The following SYT1 variants were observed in gnomAD, a reference collection of about 807,000 sequenced individuals.
SYT1 encodes the protein synaptotagmin-1.
A neutral mutation model predicts 44.8 loss-of-function variants in SYT1; 8 were observed. The ratio of observed to expected loss-of-function variants is 0.18; its 90% CI spans 0.10 to 0.32. The LOEUF (loss-of-function observed/expected upper bound fraction) is 0.32. Ranked by LOEUF, SYT1 falls within the 10% of genes least tolerant of loss-of-function variation. SYT1 has a pLI of 1.00. For missense variants in SYT1, 286 were observed against 509.3 expected, an observed-to-expected ratio of 0.56 and a Z score of 4.22; for synonymous variants, 154 against 188.8, an observed-to-expected ratio of 0.82 and a Z score of 1.51.
Position 78,947,883 on chromosome 12 carries a change from T to A in SYT1, c.-216-29916T>A, listed in dbSNP as rs540355711. On this transcript the variant is annotated intron_variant, in intron 1 of 10. Coordinates refer to ENST00000261205, the MANE Select transcript of SYT1 (RefSeq NM_005639.3). ...AATATAAGTCTTTTATATAAACCAA[T>A]CTCTTAAAACATTTTAATAAATATT... is the stretch of plus-strand genomic sequence containing the variant. Among the ~76,000 whole-genome samples, 410 of 151,946 alleles carry A rather than the reference T, an allele frequency of 2.7e-3. 3 individuals carry two copies. The highest frequency in any genetic ancestry group is 0.01 in the Admixed American group (155 of 15,234).
chr12:78,986,279 G>T (rs1869634999), intron 2 of SYT1, among the ~76,000 whole-genome samples: 1 of 151,712 alleles, frequency 6.6e-6, no homozygotes, highest in Non-Finnish European at 1.5e-5. Flanking sequence ...TTTTCTTTTT[G>T]TATATCTCTG....
intron 9 of SYT1, among the ~76,000 whole-genome samples, chr12:79,437,333 G>A (rs1029020866): frequency 6.6e-6 from 1 of 152,132 alleles, no homozygotes; most frequent in African/African-American, 2.4e-5. Flanking sequence ...TTGAGACATG[G>A]CAGTGGGTTA....
At chr12:78,950,495 C>T (rs1273638759) in intron 1 of SYT1, among the ~76,000 whole-genome samples, 1 of 152,012 alleles carries the variant, frequency 6.6e-6, no homozygotes, top group Non-Finnish European at 1.5e-5. Context: ...GGGACTTTTT[C>T]ATATATAATT....
chr12:79,352,588 A>T (rs756971009), intron 8 of SYT1, among the ~76,000 whole-genome samples: 19 of 152,188 alleles, frequency 1.2e-4, no homozygotes, highest in Non-Finnish European at 2.5e-4. Flanking sequence ...TCTCATGCTT[A>T]TAAATATGAA....
intron 4 of SYT1, among the ~76,000 whole-genome samples, chr12:79,241,037 G>T (rs569231154): frequency 6.6e-6 from 1 of 152,180 alleles, no homozygotes; most frequent in African/African-American, 2.4e-5. Context: ...GCCTGTCATG[G>T]TGGCACATGC....
chr12:79,111,741 A>G (rs1879023769), intron 3 of SYT1, among the ~76,000 whole-genome samples: 1 of 151,768 alleles, frequency 6.6e-6, no homozygotes. Flanking sequence ...AATCCTGCAA[A>G]AAAAAAAACT....
At chr12:79,221,796 C>T (rs1329034849) in intron 4 of SYT1, among the ~76,000 whole-genome samples, 3 of 151,694 alleles carry the variant, frequency 2.0e-5, no homozygotes. Flanking sequence ...ATTGTTTTGC[C>T]TTTTAGCCTT....
chr12:79,134,985 C>CCACACACACA (rs201834566), intron 3 of SYT1, among the ~76,000 whole-genome samples: 767 of 147,958 alleles, frequency 5.2e-3, no homozygotes, highest in East Asian at 0.013. Context: ...AATGTTCTCA[C>CCACACACACA]CACACACACA....
intron 1 of SYT1, among the ~76,000 whole-genome samples, chr12:78,911,018 T>G (rs1450729366): frequency 1.3e-5 from 2 of 152,016 alleles, no homozygotes; most frequent in Non-Finnish European, 2.9e-5. Flanking sequence ...GGTGAGATTT[T>G]GTTTAAGAGT....
At chr12:79,082,763 A>G (rs1877120830) in intron 3 of SYT1, among the ~76,000 whole-genome samples, 1 of 152,102 alleles carries the variant, frequency 6.6e-6, no homozygotes, top group Non-Finnish European at 1.5e-5. Flanking sequence ...GCCAAGGAAG[A>G]GGCAGGGACC....
intron 3 of SYT1, among the ~76,000 whole-genome samples, chr12:79,183,160 C>T (rs561420830): frequency 2.6e-5 from 4 of 152,156 alleles, no homozygotes; most frequent in African/African-American, 4.8e-5. Flanking sequence ...GGAGCATGCA[C>T]ATTCCATCTG....
chr12:78,885,559 C>A lies in SYT1; in HGVS notation c.-217+20450C>A, dbSNP rs149043189. On this transcript the variant is annotated intron_variant, in intron 1 of 10. Coordinates refer to ENST00000261205, the MANE Select transcript of SYT1 (RefSeq NM_005639.3). The stretch of plus-strand genomic sequence containing the variant: ...GATTGTCACTGAAAATCACATTTCA[C>A]CACAGATCTGGAAGAGGTGAGGAAT... 2.1e-3 allele frequency among the ~76,000 whole-genome samples: 313 copies of A among 152,108 alleles called. 1 individual carries two copies. The highest frequency in any genetic ancestry group is 7.3e-3 in the African/African-American group (304 of 41,528).
intron 1 of SYT1, among the ~76,000 whole-genome samples, chr12:78,898,046 C>A (rs769442513): frequency 1.3e-5 from 2 of 152,032 alleles, no homozygotes; most frequent in Non-Finnish European, 2.9e-5. Context: ...TTAAGGCATT[C>A]ATAAACGCTT....
At chr12:79,186,945 G>A (rs1592835109) in intron 3 of SYT1, among the ~76,000 whole-genome samples, 1 of 151,728 alleles carries the variant, frequency 6.6e-6, no homozygotes, top group African/African-American at 2.4e-5. Flanking sequence ...CTCCTTAAAA[G>A]GTAATCTAAT....
chr12:78,981,130 T>TG (rs1392235211), intron 2 of SYT1, among the ~76,000 whole-genome samples: 4 of 148,640 alleles, frequency 2.7e-5, no homozygotes, highest in African/African-American at 9.9e-5. Flanking sequence ...TCTTTGTTTT[T>TG]TTTTTTTTTT....
At chr12:78,935,095 A>G (rs34692401) in intron 1 of SYT1, among the ~76,000 whole-genome samples, 13,196 of 152,216 alleles carry the variant, frequency 0.087, 657 homozygotes, top group East Asian at 0.18. Context: ...AAAGATTTAA[A>G]CTGTGAGGAT....
chr12:78,997,566 T>C (rs1202580116), intron 2 of SYT1, among the ~76,000 whole-genome samples: 2 of 152,192 alleles, frequency 1.3e-5, no homozygotes, highest in African/African-American at 4.8e-5. Context: ...AAGTGATACT[T>C]GAGGAGGAGC....
chr12:79,023,779 A>G (rs1203733690), intron 2 of SYT1, among the ~76,000 whole-genome samples: 1 of 150,388 alleles, frequency 6.6e-6, no homozygotes, highest in East Asian at 2.0e-4. Context: ...TTATTATTCC[A>G]TCTCTCTCTC....
At chr12:79,178,124 T>C (rs1438224508) in intron 3 of SYT1, among the ~76,000 whole-genome samples, 1 of 152,154 alleles carries the variant, frequency 6.6e-6, no homozygotes, top group Non-Finnish European at 1.5e-5. Flanking sequence ...ATCATTAATA[T>C]TCTCTTCCCA....
Sources: allele counts gnomAD v4.1 joint callset (sites outside exome capture counted in the v4.1 genomes callset), GRCh38; gene constraint gnomAD v4.1.1; transcripts MANE v1.5; gene names NCBI Gene and HGNC (gene_info 2026-07-23, HGNC 2026-07-21).